Variants in MAPK10 observed in about 807,000 individuals in gnomAD.
MAPK10 encodes the protein JNK3 alpha protein kinase.
In MAPK10, 25 loss-of-function variants were observed where a neutral mutation model predicts 59.3. The observed-to-expected ratio is 0.42, with a 90% CI of 0.31 to 0.59. The LOEUF (loss-of-function observed/expected upper bound fraction) is 0.59, where lower values mean the gene tolerates loss of function less well. Ranked by LOEUF, MAPK10 falls within the 20% of genes least tolerant of loss-of-function variation. MAPK10 has a pLI of 0.15. For missense variants in MAPK10, 351 were observed against 568.9 expected (o/e 0.62, Z 3.90); for synonymous variants, 190 against 200.5 (o/e 0.95, Z 0.44).
intron 11 of MAPK10, among the ~76,000 whole-genome samples, chr4:86,053,951 T>G (rs1441900511): frequency 6.6e-6 from 1 of 152,142 alleles, no homozygotes; most frequent in East Asian, 1.9e-4. Context: ...GAAAAATAAT[T>G]TCTGTTCCCT....
chr4:86,432,855 G>A (rs1171137098), intron 1 of MAPK10, among the ~76,000 whole-genome samples: 1 of 152,160 alleles, frequency 6.6e-6, no homozygotes, highest in African/African-American at 2.4e-5. Flanking sequence ...AATGGAGATG[G>A]CAAACAAAGC....
chr4:86,553,694 T>G (rs1760035215), intron 1 of MAPK10, among the ~76,000 whole-genome samples: 1 of 152,052 alleles, frequency 6.6e-6, no homozygotes, highest in Non-Finnish European at 1.5e-5. Context: ...GACATCCAAG[T>G]CACCCATTCT....
Position 86,067,914 on chromosome 4 carries a change from G to T in MAPK10, c.844C>A (p.Pro282Thr). Residue 282 changes from proline to threonine, a missense_variant, in exon 10 of 14, where the codon CCA becomes ACA. By Grantham distance (38) the Pro-to-Thr change is conservative. Coordinates refer to ENST00000641462, the MANE Select transcript of MAPK10 (RefSeq NM_138982.4). ...WNKVIEQLGT[P>T]CPEFMKKLQP... ...AATTTCTTCATGAATTCTGGACATG[G>T]TGTTCCTAGTTGTTCAATTACCTTA... is the stretch of plus-strand genomic sequence containing the variant. 6.2e-7 allele frequency: 1 copy of T among 1,613,488 alleles called. No homozygotes were observed. The highest frequency in any genetic ancestry group is 8.5e-7 in the Non-Finnish European group (1 of 1,179,654).
chr4:86,103,800 T>C (rs1162905160), intron 5 of MAPK10, among the ~76,000 whole-genome samples: 2 of 151,970 alleles, frequency 1.3e-5, no homozygotes, highest in East Asian at 3.9e-4. Flanking sequence ...TAATAGAAAA[T>C]TATTTTAAAG....
At chr4:86,410,702 A>G (rs538040823) in intron 1 of MAPK10, among the ~76,000 whole-genome samples, 1 of 152,256 alleles carries the variant, frequency 6.6e-6, no homozygotes, top group Admixed American at 6.5e-5. Context: ...AGGTGTTTAT[A>G]GTATTCTGTG....
chr4:86,380,728 G>C (rs954650803), intron 1 of MAPK10, among the ~76,000 whole-genome samples: 1 of 152,082 alleles, frequency 6.6e-6, no homozygotes, highest in Non-Finnish European at 1.5e-5. Context: ...CTTTTATAGT[G>C]AAAGTGAAGA....
intron 13 of MAPK10, among the ~76,000 whole-genome samples, chr4:86,023,537 T>G (rs769430484): frequency 6.6e-6 from 1 of 152,120 alleles, no homozygotes; most frequent in Non-Finnish European, 1.5e-5. Flanking sequence ...CTGTCATTTC[T>G]TGACAATATT....
At chr4:86,176,856 T>G (rs1481298494) in intron 3 of MAPK10, among the ~76,000 whole-genome samples, 1 of 152,058 alleles carries the variant, frequency 6.6e-6, no homozygotes, top group Non-Finnish European at 1.5e-5. Context: ...CACATTTTTA[T>G]AATAATGTTT....
chr4:86,199,170 T>C (rs2082065889), intron 2 of MAPK10, among the ~76,000 whole-genome samples: 1 of 152,060 alleles, frequency 6.6e-6, no homozygotes, highest in South Asian at 2.1e-4. Context: ...TAATTCCACA[T>C]CTACACATAT....
intron 2 of MAPK10, among the ~76,000 whole-genome samples, chr4:86,195,268 C>T (rs779766017): frequency 2.6e-5 from 4 of 152,120 alleles, no homozygotes; most frequent in African/African-American, 7.2e-5. Flanking sequence ...GTGTGCAAAA[C>T]GCACAATACT....
At chr4:86,308,787 A>T (rs2095616782) in intron 2 of MAPK10, 1 of 152,230 alleles carries the variant, frequency 6.6e-6, no homozygotes, top group South Asian at 2.1e-4. Flanking sequence ...CCATTTAAAA[A>T]TAAATGACCA....
intron 4 of MAPK10, among the ~76,000 whole-genome samples, chr4:86,122,111 T>C (rs1348988795): frequency 6.6e-6 from 1 of 151,920 alleles, no homozygotes; most frequent in Non-Finnish European, 1.5e-5. Flanking sequence ...TTTTCTAAGA[T>C]TAGAAAATAA....
At chr4:86,396,063 C>T (rs530248990) in intron 1 of MAPK10, among the ~76,000 whole-genome samples, 2 of 152,058 alleles carry the variant, frequency 1.3e-5, no homozygotes, top group Non-Finnish European at 2.9e-5. Flanking sequence ...GTAGTGTTTC[C>T]GGCCGGGCGA....
chr4:86,307,496 A>G (rs562000535), intron 2 of MAPK10, among the ~76,000 whole-genome samples: 4 of 152,220 alleles, frequency 2.6e-5, no homozygotes, highest in Non-Finnish European at 5.9e-5. Flanking sequence ...AGAAATGCAT[A>G]AAGAAAAGAG....
intron 9 of MAPK10, among the ~76,000 whole-genome samples, chr4:86,070,040 T>G (rs918658910): frequency 2.0e-5 from 3 of 152,194 alleles, no homozygotes; most frequent in Admixed American, 2.0e-4. Flanking sequence ...CTCAGCGCTC[T>G]TTCCTACCTT....
intron 2 of MAPK10, among the ~76,000 whole-genome samples, chr4:86,291,469 A>G (rs550693740): frequency 1.2e-4 from 18 of 152,168 alleles, no homozygotes; most frequent in Non-Finnish European, 2.4e-4. Context: ...GCATGCCCCA[A>G]CTCTGGTCTA....
At chr4:86,051,711 T>C (rs1206656398) in intron 11 of MAPK10, among the ~76,000 whole-genome samples, 3 of 152,242 alleles carry the variant, frequency 2.0e-5, no homozygotes, top group Admixed American at 2.0e-4. Flanking sequence ...CTAATATTGA[T>C]AGCATCACCA....
chr4:86,579,255 T>G (rs1253270672), intron 1 of MAPK10, among the ~76,000 whole-genome samples: 1 of 152,228 alleles, frequency 6.6e-6, no homozygotes, highest in Non-Finnish European at 1.5e-5. Context: ...CTATCTCTGT[T>G]TCCTTACCCA....
chr4:86,246,370 G>T (rs1215825003), intron 2 of MAPK10, among the ~76,000 whole-genome samples: 1 of 152,182 alleles, frequency 6.6e-6, no homozygotes, highest in Non-Finnish European at 1.5e-5. Flanking sequence ...GGCGGAGCTT[G>T]CAGTGAGCCA....
Sources: gnomAD v4.1 joint callset for allele counts (sites outside exome capture counted in the v4.1 genomes callset) on GRCh38, gnomAD v4.1.1 for gene constraint, MANE v1.5 for transcripts, NCBI Gene and HGNC (gene_info 2026-07-23, HGNC 2026-07-21) for gene names.